The following DOCK4 variants were observed in gnomAD, a reference collection of about 807,000 sequenced individuals.
DOCK4 encodes dedicator of cytokinesis protein 4.
DOCK4 carries 97 observed loss-of-function variants against 268.1 expected under a neutral mutation model. The observed-to-expected ratio is 0.36, with a 90% CI of 0.31 to 0.43. The LOEUF is 0.43. Among genes scored for constraint, DOCK4 ranks in the 20% least tolerant of loss-of-function variants. DOCK4 has a pLI of 1.00. For synonymous variants in DOCK4, 954 were observed against 887.2 expected, an observed-to-expected ratio of 1.08 and a Z score of -1.34; for missense variants, 2,145 against 2,455.7, an observed-to-expected ratio of 0.87 and a Z score of 2.67.
rs1796341953 is a variant in DOCK4, at chr7:111,747,330, C to T, written c.4530G>A (p.Leu1510=). The T allele has an allele frequency of 1.2e-6, 2 of 1,613,700 alleles. No homozygotes were observed. The highest frequency in any genetic ancestry group is 1.7e-6 in the Non-Finnish European group (2 of 1,179,810). The stretch of plus-strand genomic sequence containing the variant: ...CTATAACTCCATTCAGGCACATAGT[C>T]AGGGGATTAATATTCTGCATCTGTC... ...QTRQMQNINP[L]TMCLNGVIDA... is the part of the protein sequence containing the mutation. Residue 1510 remains leucine, a synonymous_variant, in exon 43 of 53, where the codon CTG becomes CTA. Coordinates refer to ENST00000428084, the MANE Select transcript of DOCK4 (RefSeq NM_001363540.2).
intron 10 of DOCK4, among the ~76,000 whole-genome samples, chr7:111,940,567 G>C (rs928548814): frequency 6.6e-6 from 1 of 152,118 alleles, no homozygotes; most frequent in African/African-American, 2.4e-5. Flanking sequence ...CGTCACTAAA[G>C]GCAGTAATGG....
chr7:111,859,789 G>T (rs1166280449), intron 23 of DOCK4, among the ~76,000 whole-genome samples: 1 of 151,660 alleles, frequency 6.6e-6, no homozygotes, highest in South Asian at 2.1e-4. Flanking sequence ...GGATGGTCTC[G>T]ATCTTCTGAC....
chr7:112,162,809 T>C (rs984173187), intron 1 of DOCK4, among the ~76,000 whole-genome samples: 1 of 152,188 alleles, frequency 6.6e-6, no homozygotes, highest in Non-Finnish European at 1.5e-5. Flanking sequence ...AAAGAAGCCA[T>C]AGTAAACACG....
chr7:112,047,196 C>T (rs58069904), intron 1 of DOCK4, among the ~76,000 whole-genome samples: 18,886 of 152,048 alleles, frequency 0.12, 3,709 homozygotes, highest in African/African-American at 0.42. Context: ...TGATACTCTG[C>T]CCCAACTAAC....
Position 111,735,072 on chromosome 7 carries a change from G to A in DOCK4, c.5401C>T (p.Pro1801Ser). The change falls in exon 51 of 53, where the codon CCA becomes TCA. Residue 1801 changes from proline (P) to serine (S), a missense_variant. Coordinates refer to ENST00000428084, the MANE Select transcript of DOCK4 (RefSeq NM_001363540.2). Reference protein sequence around the residue: ...SGKLISPPVPPRPTQTASPAR... With the variant: ...SGKLISPPVPSRPTQTASPAR... ...TACCCACCAGTCTGTGTGGGTCTTGGAGGGACAGGGGGAGAGATAAGTTTC... is the reference window on the plus strand; with the variant it reads ...TACCCACCAGTCTGTGTGGGTCTTGAAGGGACAGGGGGAGAGATAAGTTTC... 6.3e-7 allele frequency: 1 copy of A among 1,595,036 alleles called. No individual in the cohort carries two copies. Among genetic ancestry groups the A allele is most frequent in the Non-Finnish European group, 8.5e-7 (1 of 1,170,218 alleles).
At chr7:112,068,315 T>C (rs1488722758) in intron 1 of DOCK4, among the ~76,000 whole-genome samples, 1 of 152,194 alleles carries the variant, frequency 6.6e-6, no homozygotes, top group African/African-American at 2.4e-5. Context: ...CACCCTGTAA[T>C]GATCTTGACA....
intron 1 of DOCK4, among the ~76,000 whole-genome samples, chr7:112,041,713 A>C (rs1804378260): frequency 6.6e-6 from 1 of 152,224 alleles, no homozygotes; most frequent in Non-Finnish European, 1.5e-5. Flanking sequence ...CATTTTGGAA[A>C]AGATACTTCC....
At position 111,901,778 on chromosome 7, in the gene DOCK4, T is replaced by A; in HGVS notation, c.1216A>T (p.Ile406Phe). 1 of 1,587,534 alleles carries A rather than the reference T, an allele frequency of 6.3e-7. No homozygotes were observed. The highest frequency in any genetic ancestry group is 8.6e-7 in the Non-Finnish European group (1 of 1,157,962). ...MPGEMRNDLY[I>F]TIERGEFEKG... Reference sequence around the variant, plus strand: ...TCAAATTCTCCCCTTTCAATAGTGATATATAAATCATTCCTCATTTCACCT... The same window carrying A: ...TCAAATTCTCCCCTTTCAATAGTGAAATATAAATCATTCCTCATTTCACCT... The change falls in exon 14 of 53, where the codon ATC becomes TTC. Residue 406 changes from isoleucine to phenylalanine, a missense_variant. Physicochemically the swap from Ile to Phe is conservative, Grantham distance 21. Transcript: ENST00000428084.
intron 8 of DOCK4, among the ~76,000 whole-genome samples, chr7:111,951,880 G>T (rs373393399): frequency 1.1e-4 from 16 of 151,808 alleles, no homozygotes; most frequent in African/African-American, 3.4e-4. Context: ...AAAAAAGAAA[G>T]AAATGGACAA....
intron 1 of DOCK4, among the ~76,000 whole-genome samples, chr7:112,093,750 C>G (rs1255863124): frequency 6.6e-6 from 1 of 152,038 alleles, no homozygotes; most frequent in African/African-American, 2.4e-5. Flanking sequence ...ACGTCTTACA[C>G]CCATCTAATA....
Position 111,729,803 on chromosome 7 carries a change from C to T in DOCK4, c.5482-1083G>A, listed in dbSNP as rs578260839. ...CCCGAGGTTCTGCACCTGATTTCTC[C>T]AGCCATCACTCCAGACTCCAGACTC... On this transcript the variant is annotated intron_variant, in intron 52 of 52. Coordinates refer to ENST00000428084, the MANE Select transcript of DOCK4 (RefSeq NM_001363540.2). 3.3e-5 allele frequency among the ~76,000 whole-genome samples: 5 copies of T among 152,346 alleles called. No homozygotes were observed. The South Asian group carries it at 1.0e-3, about 32-fold the overall frequency.
At chr7:112,038,349 G>C (rs1362391656) in intron 1 of DOCK4, among the ~76,000 whole-genome samples, 1 of 152,228 alleles carries the variant, frequency 6.6e-6, no homozygotes, top group Non-Finnish European at 1.5e-5. Context: ...AAAAAATATG[G>C]AGTTGAGGTC....
rs771932707 is a variant in DOCK4, at chr7:111,727,949, C to G, written c.*325G>C. ...GATACAACATTGTCACACATTGTAT[C>G]GTTTGACAATATCGTATTGGTTTTA... On this transcript the variant is annotated 3_prime_UTR_variant, in exon 53 of 53. Transcript: ENST00000428084. The G allele has an allele frequency of 1.3e-5, 3 of 233,602 alleles. No individual in the cohort carries two copies. Among genetic ancestry groups the G allele is most frequent in the Admixed American group, 5.6e-5 (1 of 17,792 alleles). The allele number at this position is 233,602 out of a possible 1,614,324, so 14.5% of individuals were successfully genotyped here.
At chr7:111,754,272 G>A (rs1796880741) in intron 42 of DOCK4, among the ~76,000 whole-genome samples, 2 of 152,222 alleles carry the variant, frequency 1.3e-5, no homozygotes, top group South Asian at 2.1e-4. Flanking sequence ...CTGCACTGAT[G>A]TAATCTGCTG....
Position 111,834,696 on chromosome 7 carries a change from A to T in DOCK4, c.2737-10T>A. Reference sequence around the variant, plus strand: ...AAGCAACAAACTCCCCCTAAGTTAAAAAAAAAAAAAGCATACATTTTATTT... The same window carrying T: ...AAGCAACAAACTCCCCCTAAGTTAATAAAAAAAAAAGCATACATTTTATTT... On this transcript the variant is annotated splice_polypyrimidine_tract_variant and intron_variant, in intron 25 of 52. Transcript: ENST00000428084. 2 of 1,435,586 alleles carry T rather than the reference A, an allele frequency of 1.4e-6. No homozygotes were observed. Among genetic ancestry groups the T allele is most frequent in the Admixed American group, 2.7e-5 (1 of 37,490 alleles). 88.9% of individuals were successfully genotyped at this position (1,435,586 alleles called of 1,614,324 possible). A position where few individuals can be genotyped will look rare whatever the true frequency, so the allele number is the denominator to read the frequency against.
At chr7:111,824,152 A>T (rs1802221772) in intron 26 of DOCK4, among the ~76,000 whole-genome samples, 1 of 152,224 alleles carries the variant, frequency 6.6e-6, no homozygotes, top group Admixed American at 6.5e-5. Flanking sequence ...TGTAGGTCAC[A>T]TAATTTTGGG....
At chr7:111,974,780 T>C (rs909585385) in intron 8 of DOCK4, among the ~76,000 whole-genome samples, 1 of 152,086 alleles carries the variant, frequency 6.6e-6, no homozygotes, top group Admixed American at 6.6e-5. Flanking sequence ...GTTATTATCT[T>C]ACTTTTGCTA....
intron 1 of DOCK4, among the ~76,000 whole-genome samples, chr7:112,025,039 G>A (rs945330139): frequency 7.9e-5 from 10 of 127,098 alleles, no homozygotes; most frequent in African/African-American, 3.3e-4. Context: ...AACACAGCTG[G>A]GTCATTGAGA....
At chr7:111,790,966 G>A (rs1464309471) in intron 30 of DOCK4, among the ~76,000 whole-genome samples, 4 of 150,554 alleles carry the variant, frequency 2.7e-5, no homozygotes, top group Non-Finnish European at 5.9e-5. Context: ...GCTGAGGCAG[G>A]AGAATGGCAT....
Sources: allele counts gnomAD v4.1 joint callset (sites outside exome capture counted in the v4.1 genomes callset), GRCh38; gene constraint gnomAD v4.1.1; transcripts MANE v1.5; gene names NCBI Gene and HGNC (gene_info 2026-07-23, HGNC 2026-07-21).